Variants in PDGFC observed in about 807,000 individuals in gnomAD.
The protein encoded by PDGFC is platelet-derived growth factor C.
Under a neutral mutation model 35.5 loss-of-function variants are expected in PDGFC, and 12 were observed. That is an observed-to-expected ratio of 0.34 (90% CI 0.22 to 0.55). PDGFC has a LOEUF of 0.55. Ranked by LOEUF, PDGFC falls within the 20% of genes least tolerant of loss-of-function variation. The pLI is 0.91. For synonymous variants in PDGFC, 159 were observed against 148.8 expected (o/e 1.07, Z -0.50); for missense variants, 322 against 412.4 (o/e 0.78, Z 1.90).
chr4:156,783,145 A>T (rs1181196871), intron 3 of PDGFC, among the ~76,000 whole-genome samples: 1 of 152,148 alleles, frequency 6.6e-6, no homozygotes. Context: ...GAGTTGGAAA[A>T]AAATGGTGTT....
chr4:156,953,979 T>C (rs1418644284), intron 1 of PDGFC, among the ~76,000 whole-genome samples: 1 of 151,960 alleles, frequency 6.6e-6, no homozygotes, highest in African/African-American at 2.4e-5. Flanking sequence ...TCACTCTGCC[T>C]CATATAGAGA....
At chr4:156,779,304 G>T (rs1042503975) in intron 3 of PDGFC, 1 of 424,510 alleles carries the variant, frequency 2.4e-6, no homozygotes, top group South Asian at 1.7e-5. Flanking sequence ...GCAAATGCTT[G>T]CATTCCTACT....
At chr4:156,927,497 T>G (rs1418220904) in intron 1 of PDGFC, among the ~76,000 whole-genome samples, 1 of 152,188 alleles carries the variant, frequency 6.6e-6, no homozygotes, top group Non-Finnish European at 1.5e-5. Context: ...CTTTGCTGCT[T>G]AGAAATTTCT....
chr4:156,921,444 C>T (rs1731279182), intron 1 of PDGFC, among the ~76,000 whole-genome samples: 1 of 151,644 alleles, frequency 6.6e-6, no homozygotes, highest in Non-Finnish European at 1.5e-5. Flanking sequence ...CGATTCCAGA[C>T]ATCCAGAGAA....
chr4:156,791,292 A>C (rs1018793217), intron 3 of PDGFC, among the ~76,000 whole-genome samples: 27 of 152,324 alleles, frequency 1.8e-4, no homozygotes, highest in African/African-American at 5.8e-4. Context: ...ACAGGCTCTG[A>C]TCTCAAGACA....
At chr4:156,901,658 G>A (rs554229602) in intron 1 of PDGFC, among the ~76,000 whole-genome samples, 3 of 152,016 alleles carry the variant, frequency 2.0e-5, no homozygotes, top group African/African-American at 7.2e-5. Flanking sequence ...GTCCTGCTCT[G>A]TTGTCCAGGC....
chr4:156,788,008 T>C (rs1731176619), intron 3 of PDGFC, among the ~76,000 whole-genome samples: 2 of 152,130 alleles, frequency 1.3e-5, no homozygotes, highest in African/African-American at 4.8e-5. Flanking sequence ...ACAGTAGCAC[T>C]ACAGAACATA....
chr4:156,771,299 T>C (rs2110811600), intron 4 of PDGFC, among the ~76,000 whole-genome samples: 1 of 152,218 alleles, frequency 6.6e-6, no homozygotes, highest in Middle Eastern at 3.4e-3. Context: ...TAGATCTCAG[T>C]TTAGAACCTG....
At chr4:156,941,638 T>C (rs1731808073) in intron 1 of PDGFC, among the ~76,000 whole-genome samples, 2 of 152,206 alleles carry the variant, frequency 1.3e-5, no homozygotes, top group Non-Finnish European at 2.9e-5. Context: ...TGCTCAATGC[T>C]GTTTCCAAAC....
rs1732588685 is a variant in PDGFC, at chr4:156,971,340, C to G, written c.-437G>C. On this transcript the variant is annotated 5_prime_UTR_variant, in exon 1 of 6. Coordinates refer to ENST00000502773, the MANE Select transcript of PDGFC (RefSeq NM_016205.3). Reference sequence around the variant, plus strand: ...GCAGCCAGACTGGAAGCCAAGTCGGCGGCGAGCAGTTTCTGATCAATAACA... The same window carrying G: ...GCAGCCAGACTGGAAGCCAAGTCGGGGGCGAGCAGTTTCTGATCAATAACA... 2.5e-6 allele frequency: 1 copy of G among 398,960 alleles called. No individual in the cohort carries two copies. Among genetic ancestry groups the G allele is most frequent in the African/African-American group, 2.1e-5 (1 of 48,612 alleles). 24.7% of individuals were successfully genotyped at this position (398,960 alleles called of 1,614,324 possible). A position where few individuals can be genotyped will look rare whatever the true frequency, so the allele number is the denominator to read the frequency against.
chr4:156,844,606 G>C (rs548369110), intron 2 of PDGFC, among the ~76,000 whole-genome samples: 1 of 151,318 alleles, frequency 6.6e-6, no homozygotes, highest in African/African-American at 2.4e-5. Flanking sequence ...TACAAACAAG[G>C]ACATAAGAAA....
intron 4 of PDGFC, among the ~76,000 whole-genome samples, chr4:156,768,371 T>C (rs1354895078): frequency 1.3e-5 from 2 of 151,126 alleles, no homozygotes; most frequent in East Asian, 1.9e-4. Context: ...AAATGCAAGA[T>C]GATGAATGCT....
intron 2 of PDGFC, among the ~76,000 whole-genome samples, chr4:156,819,162 C>A (rs913082590): frequency 2.0e-4 from 30 of 152,040 alleles, no homozygotes; most frequent in African/African-American, 6.8e-4. Flanking sequence ...CATAAAAGTG[C>A]AAGGTGAAGC....
At chr4:156,874,526 AT>A (rs1730062543) in intron 1 of PDGFC, among the ~76,000 whole-genome samples, 2 of 152,120 alleles carry the variant, frequency 1.3e-5, no homozygotes, top group African/African-American at 4.8e-5. Flanking sequence ...TTTGCCAAGA[AT>A]TTCTACAAAT....
At chr4:156,862,835 C>T (rs35751398) in intron 1 of PDGFC, among the ~76,000 whole-genome samples, 2,476 of 151,876 alleles carry the variant, frequency 0.016, 34 homozygotes, top group South Asian at 0.051. Context: ...GCTGGGATTA[C>T]AGGCACCTGC....
chr4:156,803,108 G>A (rs73856753), intron 3 of PDGFC, among the ~76,000 whole-genome samples: 1,952 of 152,178 alleles, frequency 0.013, 34 homozygotes, highest in African/African-American at 0.044. Flanking sequence ...CATTCTAAAG[G>A]GCAAGCAGTC....
chr4:156,886,069 T>C (rs1211354522), intron 1 of PDGFC, among the ~76,000 whole-genome samples: 1 of 152,034 alleles, frequency 6.6e-6, no homozygotes, highest in African/African-American at 2.4e-5. Context: ...ATTATTAAAA[T>C]CTTGCATTTA....
intron 3 of PDGFC, among the ~76,000 whole-genome samples, chr4:156,802,449 C>T (rs920567402): frequency 2.6e-5 from 4 of 151,764 alleles, no homozygotes; most frequent in African/African-American, 9.7e-5. Context: ...TGCCAGATAC[C>T]CCAAATCTGC....
At chr4:156,767,157 T>C (rs1384759747) in intron 5 of PDGFC, among the ~76,000 whole-genome samples, 1 of 151,932 alleles carries the variant, frequency 6.6e-6, no homozygotes, top group Non-Finnish European at 1.5e-5. Flanking sequence ...AAGAAAAACA[T>C]TAAGTGTACA....
Sources: allele counts gnomAD v4.1 joint callset (sites outside exome capture counted in the v4.1 genomes callset), GRCh38; gene constraint gnomAD v4.1.1; transcripts MANE v1.5; gene names NCBI Gene and HGNC (gene_info 2026-07-23, HGNC 2026-07-21).